MALRD1: variants seen among roughly 807,000 people sequenced by gnomAD.
MALRD1 encodes the protein MAM and LDL receptor class A domain containing 1.
Under a neutral mutation model 242.1 loss-of-function variants are expected in MALRD1, and 247 were observed. That is an observed-to-expected ratio of 1.02 (90% CI 0.92 to 1.13). The LOEUF (loss-of-function observed/expected upper bound fraction) is 1.13. Among genes scored for constraint, MALRD1 ranks in the 50% most tolerant of loss-of-function variants. The pLI, the probability that MALRD1 is intolerant of heterozygous loss-of-function variation, is 0.00. For missense variants in MALRD1, 2,989 were observed against 2,533.1 expected (o/e 1.18, Z -3.86); for synonymous variants, 995 against 866.6 (o/e 1.15, Z -2.60).
chr10:19,192,322 T>C (rs966292127), intron 14 of MALRD1, among the ~76,000 whole-genome samples: 3 of 152,182 alleles, frequency 2.0e-5, no homozygotes, highest in African/African-American at 7.2e-5. Context: ...CTTAAAATGG[T>C]TTAGATAATA....
At chr10:19,674,113 G>A (rs1472888527) in intron 36 of MALRD1, among the ~76,000 whole-genome samples, 1 of 152,118 alleles carries the variant, frequency 6.6e-6, no homozygotes. Flanking sequence ...GAAAGCGCAA[G>A]ATAGTCTAAG....
At chr10:19,704,518 G>A (rs776933519) in intron 38 of MALRD1, among the ~76,000 whole-genome samples, 11 of 152,144 alleles carry the variant, frequency 7.2e-5, no homozygotes, top group African/African-American at 2.4e-5. Context: ...TAATGCCGTC[G>A]CTTTAATAGG....
intron 18 of MALRD1, among the ~76,000 whole-genome samples, chr10:19,250,489 C>T (rs1839250704): frequency 6.6e-6 from 1 of 151,874 alleles, no homozygotes; most frequent in Non-Finnish European, 1.5e-5. Flanking sequence ...TGTGAGTGTG[C>T]AGAGTTTCAA....
intron 28 of MALRD1, among the ~76,000 whole-genome samples, chr10:19,432,459 A>C (rs1251331883): frequency 6.6e-6 from 1 of 152,212 alleles, no homozygotes; most frequent in Non-Finnish European, 1.5e-5. Context: ...GTCAACTTTT[A>C]GCCAGTGGTT....
intron 26 of MALRD1, among the ~76,000 whole-genome samples, chr10:19,365,793 G>A (rs547347499): frequency 2.2e-4 from 34 of 151,356 alleles, no homozygotes; most frequent in Non-Finnish European, 4.3e-4. Flanking sequence ...ACAATACGAT[G>A]AATTCTGACA....
At chr10:19,695,437 A>G (rs1806960881) in intron 38 of MALRD1, among the ~76,000 whole-genome samples, 3 of 151,992 alleles carry the variant, frequency 2.0e-5, no homozygotes, top group Non-Finnish European at 4.4e-5. Context: ...AAGAAGTTTA[A>G]TGGACTCACA....
chr10:19,430,616 C>T (rs528623637), intron 28 of MALRD1, among the ~76,000 whole-genome samples: 1 of 152,108 alleles, frequency 6.6e-6, no homozygotes, highest in Non-Finnish European at 1.5e-5. Flanking sequence ...GTTTTCCTTG[C>T]CTTTTATCTG....
At chr10:19,631,063 G>C (rs531366261) in intron 36 of MALRD1, among the ~76,000 whole-genome samples, 1 of 152,174 alleles carries the variant, frequency 6.6e-6, no homozygotes, top group South Asian at 2.1e-4. Context: ...ATGTCATGGA[G>C]GTTTGTTGGA....
Position 19,532,834 on chromosome 10 carries a change from G to A in MALRD1, c.5478+1483G>A, listed in dbSNP as rs115101017. 2.0e-3 allele frequency among the ~76,000 whole-genome samples: 305 copies of A among 152,220 alleles called. 6 individuals are homozygous for A. Among genetic ancestry groups the A allele is most frequent in the African/African-American group, 7.0e-3 (291 of 41,546 alleles). ...TGAGAGCACACGAATAAATGCAAAAGCATGTAAAAATTTTAAATTATTTTT... is the reference window on the plus strand; with the variant it reads ...TGAGAGCACACGAATAAATGCAAAAACATGTAAAAATTTTAAATTATTTTT... On this transcript the variant is annotated intron_variant, in intron 32 of 39. Coordinates refer to ENST00000454679, the MANE Select transcript of MALRD1 (RefSeq NM_001142308.3).
intron 24 of MALRD1, among the ~76,000 whole-genome samples, chr10:19,346,379 A>G (rs1844124837): frequency 2.6e-5 from 4 of 152,124 alleles, no homozygotes; most frequent in Non-Finnish European, 5.9e-5. Flanking sequence ...TGTTTTGATG[A>G]CAGAATCATT....
intron 19 of MALRD1, among the ~76,000 whole-genome samples, chr10:19,275,137 T>C (rs1840448098): frequency 1.3e-5 from 2 of 152,224 alleles, no homozygotes; most frequent in South Asian, 4.1e-4. Context: ...AACAATGCTA[T>C]AATAACAATT....
intron 18 of MALRD1, among the ~76,000 whole-genome samples, chr10:19,247,547 G>A (rs548967606): frequency 2.6e-5 from 4 of 151,076 alleles, no homozygotes; most frequent in African/African-American, 4.9e-5. Context: ...CCCCACCCCC[G>A]AACTACATTA....
chr10:19,219,880 A>T (rs1016528560), intron 18 of MALRD1, among the ~76,000 whole-genome samples: 1 of 152,144 alleles, frequency 6.6e-6, no homozygotes, highest in Non-Finnish European at 1.5e-5. Flanking sequence ...CAGATATTCC[A>T]TTTATTCTAG....
At chr10:19,071,244 A>G (rs561368976) in intron 2 of MALRD1, among the ~76,000 whole-genome samples, 1 of 151,928 alleles carries the variant, frequency 6.6e-6, no homozygotes, top group East Asian at 1.9e-4. Flanking sequence ...CTACACATGC[A>G]TGTTTCCATT....
intron 29 of MALRD1, among the ~76,000 whole-genome samples, chr10:19,456,425 A>G (rs1389141380): frequency 6.6e-6 from 1 of 152,182 alleles, no homozygotes; most frequent in Non-Finnish European, 1.5e-5. Flanking sequence ...GGAGTGAAAA[A>G]TAGTGGCATG....
At chr10:19,340,574 A>T (rs984437627) in intron 24 of MALRD1, among the ~76,000 whole-genome samples, 1 of 152,148 alleles carries the variant, frequency 6.6e-6, no homozygotes, top group Non-Finnish European at 1.5e-5. Context: ...GGCCATACAA[A>T]GTCACAAATC....
intron 2 of MALRD1, among the ~76,000 whole-genome samples, chr10:19,081,275 A>C (rs1020128045): frequency 1.3e-5 from 2 of 152,184 alleles, no homozygotes; most frequent in Non-Finnish European, 2.9e-5. Context: ...TATATAACCA[A>C]ATAAATATAA....
At chr10:19,621,082 C>A (rs903002679) in intron 36 of MALRD1, among the ~76,000 whole-genome samples, 1 of 150,674 alleles carries the variant, frequency 6.6e-6, no homozygotes, top group Non-Finnish European at 1.5e-5. Flanking sequence ...ATCTTGTAAA[C>A]TATCTCAAAT....
At chr10:19,168,430 A>T (rs551394211) in intron 13 of MALRD1, among the ~76,000 whole-genome samples, 35 of 152,348 alleles carry the variant, frequency 2.3e-4, no homozygotes, top group African/African-American at 8.2e-4. Flanking sequence ...TCATTAATTG[A>T]CATATTGAGA....
Sources: allele counts gnomAD v4.1 joint callset (sites outside exome capture counted in the v4.1 genomes callset), GRCh38; gene constraint gnomAD v4.1.1; transcripts MANE v1.5; gene names NCBI Gene and HGNC (gene_info 2026-07-23, HGNC 2026-07-21).